PCDH9: variants seen among roughly 807,000 people sequenced by gnomAD.
PCDH9 encodes the protein protocadherin-9.
Under a neutral mutation model 70.6 loss-of-function variants are expected in PCDH9, and 24 were observed. The ratio of observed to expected loss-of-function variants is 0.34; its 90% CI spans 0.25 to 0.48. The LOEUF (loss-of-function observed/expected upper bound fraction) is 0.48. PCDH9 is among the 20% of genes least tolerant of loss of function. PCDH9 has a pLI of 0.99. For synonymous variants in PCDH9, 562 were observed against 558.5 expected, an observed-to-expected ratio of 1.01 and a Z score of -0.09; for missense variants, 1,281 against 1,503.6, an observed-to-expected ratio of 0.85 and a Z score of 2.45.
Position 67,050,241 on chromosome 13 carries a change from A to G in PCDH9, c.3037-146636T>C, listed in dbSNP as rs553777496. On this transcript the variant is annotated intron_variant, in intron 2 of 4. Transcript: ENST00000377865. ...GCATTTATTATGAAGGGTTCCTTAAATATGTTTAAGCACTTCATTGCTTTT... is the reference window on the plus strand; with the variant it reads ...GCATTTATTATGAAGGGTTCCTTAAGTATGTTTAAGCACTTCATTGCTTTT... Among the ~76,000 whole-genome samples, 4 of 152,312 alleles carry G rather than the reference A, an allele frequency of 2.6e-5. No individual in the cohort carries two copies. The South Asian group carries it at 6.2e-4, about 24-fold the overall frequency.
intron 4 of PCDH9, among the ~76,000 whole-genome samples, chr13:66,467,494 G>A (rs1477836616): frequency 6.6e-6 from 1 of 151,946 alleles, no homozygotes; most frequent in Non-Finnish European, 1.5e-5. Context: ...ACTACCCTGA[G>A]AAAGAAGCAC....
intron 3 of PCDH9, among the ~76,000 whole-genome samples, chr13:66,658,282 G>A (rs2077959866): frequency 6.6e-6 from 1 of 152,030 alleles, no homozygotes; most frequent in South Asian, 2.1e-4. Flanking sequence ...TGTAAGTAAT[G>A]TTTATATCTC....
chr13:66,554,028 G>C (rs1014633760), intron 4 of PCDH9, among the ~76,000 whole-genome samples: 5 of 152,118 alleles, frequency 3.3e-5, no homozygotes, highest in African/African-American at 1.2e-4. Context: ...CAAAGCTCCA[G>C]AGATGCATAA....
chr13:67,055,699 C>T (rs1385750404), intron 2 of PCDH9, among the ~76,000 whole-genome samples: 1 of 151,814 alleles, frequency 6.6e-6, no homozygotes, highest in East Asian at 1.9e-4. Flanking sequence ...TACTCAGGAG[C>T]TGAAGTGGCG....
At chr13:66,984,336 A>G (rs1407086861) in intron 2 of PCDH9, among the ~76,000 whole-genome samples, 1 of 152,166 alleles carries the variant, frequency 6.6e-6, no homozygotes, top group African/African-American at 2.4e-5. Context: ...GTAAATTGTC[A>G]GATGATTTTA....
chr13:66,730,681 CTTT>C (rs200246747), intron 3 of PCDH9, among the ~76,000 whole-genome samples: 7 of 138,268 alleles, frequency 5.1e-5, no homozygotes, highest in Admixed American at 7.4e-5. Context: ...TATATATTTC[CTTT>C]TTTTTTTTTT....
chr13:66,329,130 A>C (rs1367094145), intron 4 of PCDH9, among the ~76,000 whole-genome samples: 1 of 152,188 alleles, frequency 6.6e-6, no homozygotes, highest in African/African-American at 2.4e-5. Context: ...GAAGACAGAA[A>C]ATAGTAAGTC....
intron 3 of PCDH9, among the ~76,000 whole-genome samples, chr13:66,738,313 A>G (rs971701079): frequency 6.6e-6 from 1 of 151,704 alleles, no homozygotes; most frequent in African/African-American, 2.4e-5. Flanking sequence ...AACAAACAGA[A>G]AGGACATCCA....
chr13:66,593,410 A>G (rs1403944844), intron 4 of PCDH9, among the ~76,000 whole-genome samples: 1 of 151,756 alleles, frequency 6.6e-6, no homozygotes, highest in African/African-American at 2.4e-5. Flanking sequence ...ATTTTCTATA[A>G]TTATATATTC....
At chr13:66,723,812 A>G (rs2078972036) in intron 3 of PCDH9, among the ~76,000 whole-genome samples, 1 of 152,232 alleles carries the variant, frequency 6.6e-6, no homozygotes, top group Non-Finnish European at 1.5e-5. Flanking sequence ...GAAAAGCTGT[A>G]GCACTGGAGA....
intron 3 of PCDH9, among the ~76,000 whole-genome samples, chr13:66,802,844 T>C (rs1343752129): frequency 6.6e-6 from 1 of 152,098 alleles, no homozygotes; most frequent in Non-Finnish European, 1.5e-5. Flanking sequence ...GCTAGTTAAA[T>C]AGGGTGACAG....
intron 4 of PCDH9, among the ~76,000 whole-genome samples, chr13:66,414,546 A>G (rs1256737467): frequency 6.6e-6 from 1 of 152,228 alleles, no homozygotes; most frequent in Non-Finnish European, 1.5e-5. Context: ...TGGAAACATA[A>G]ACATGTTTGC....
chr13:67,026,656 T>C (rs2084788502), intron 2 of PCDH9, among the ~76,000 whole-genome samples: 1 of 152,072 alleles, frequency 6.6e-6, no homozygotes, highest in African/African-American at 2.4e-5. Flanking sequence ...ATTGTATATC[T>C]AGAAAAACCC....
At chr13:66,655,184 A>G in intron 3 of PCDH9, among the ~76,000 whole-genome samples, 1 of 152,150 alleles carries the variant, frequency 6.6e-6, no homozygotes. Flanking sequence ...AAAATAAAGA[A>G]TCACAGCCTG....
At chr13:66,630,301 C>G (rs750892710) in intron 4 of PCDH9, among the ~76,000 whole-genome samples, 3 of 152,070 alleles carry the variant, frequency 2.0e-5, no homozygotes, top group Non-Finnish European at 4.4e-5. Flanking sequence ...ACATGCATAG[C>G]TTTCCCCACC....
chr13:66,874,829 A>C (rs1364027404), intron 3 of PCDH9, among the ~76,000 whole-genome samples: 1 of 152,118 alleles, frequency 6.6e-6, no homozygotes, highest in Non-Finnish European at 1.5e-5. Flanking sequence ...AAAATGTTTC[A>C]GACTTAAAAG....
At chr13:67,096,877 T>G (rs992715583) in intron 2 of PCDH9, among the ~76,000 whole-genome samples, 3 of 152,160 alleles carry the variant, frequency 2.0e-5, no homozygotes, top group South Asian at 2.1e-4. Flanking sequence ...AAAAACCCTA[T>G]GTAAAACTGA....
chr13:67,061,292 T>C (rs1249259748), intron 2 of PCDH9, among the ~76,000 whole-genome samples: 1 of 151,772 alleles, frequency 6.6e-6, no homozygotes, highest in Non-Finnish European at 1.5e-5. Context: ...ATCAACAGGC[T>C]TTTTTTTCTG....
intron 2 of PCDH9, among the ~76,000 whole-genome samples, chr13:67,137,264 G>A (rs1012351423): frequency 2.0e-5 from 3 of 152,056 alleles, no homozygotes; most frequent in African/African-American, 7.2e-5. Context: ...CTTGATACGG[G>A]TGAGCCAAGT....
Sources: allele counts gnomAD v4.1 joint callset (sites outside exome capture counted in the v4.1 genomes callset), GRCh38; gene constraint gnomAD v4.1.1; transcripts MANE v1.5; gene names NCBI Gene and HGNC (gene_info 2026-07-23, HGNC 2026-07-21).